XKRX: variants seen among roughly 807,000 people sequenced by gnomAD.
XKRX encodes XK-related protein 2.
Under a neutral mutation model 22.4 loss-of-function variants are expected in XKRX, and 11 were observed. The observed-to-expected ratio is 0.49, with a 90% CI of 0.31 to 0.81. The LOEUF (loss-of-function observed/expected upper bound fraction) is 0.81. Ranked by LOEUF, XKRX falls within the 40% of genes least tolerant of loss-of-function variation. XKRX has a pLI of 0.05. For missense variants in XKRX, 320 were observed against 336.5 expected (o/e 0.95, Z 0.38); for synonymous variants, 114 against 132.2 (o/e 0.86, Z 0.94).
chrX:100,896,964 A>G, the XKRX span, among the ~76,000 whole-genome samples: 4 of 112,445 alleles, frequency 3.6e-5, no homozygotes, highest in Non-Finnish European at 5.6e-5. Context: ...ATACAAATAG[A>G]ATACCTTCAA....
At chrX:100,888,511 G>T in the XKRX span, 1 of 759,725 alleles carries the variant, frequency 1.3e-6, no homozygotes, top group Non-Finnish European at 2.0e-6. Context: ...TCAGGCTCTC[G>T]TCGGTTGTTT....
At position 100,914,810 on chromosome X, in the gene XKRX, G is replaced by A. The variant is rs376332351; in HGVS notation, c.878C>T (p.Ala293Val). ...TTTCTCAATGTTATTGGGCATCTGG[G>A]CACCACTTCTCCAGAACTTAATCCA... ...EPWIKFWRSG[A>V]QMPNNIEKNF... The change falls in exon 3 of 3, where the codon GCC (alanine) becomes GTC (valine). Residue 293 changes from alanine to valine, a missense_variant. Transcript: ENST00000372956. 8.3e-7 allele frequency: 1 copy of A among 1,211,709 alleles called. No individual in the cohort carries two copies.
chrX:100,949,224 G>C, the XKRX span, among the ~76,000 whole-genome samples: 2 of 111,473 alleles, frequency 1.8e-5, no homozygotes, highest in African/African-American at 6.5e-5. Flanking sequence ...CAACAAGATG[G>C]GGCAAGGTGC....
the XKRX span, among the ~76,000 whole-genome samples, chrX:100,888,985 T>C: frequency 9.0e-6 from 1 of 110,852 alleles, no homozygotes; most frequent in Non-Finnish European, 1.9e-5. Flanking sequence ...ATGCCTGTGA[T>C]CCTAGCACTA....
chrX:100,904,112 T>A, the XKRX span, among the ~76,000 whole-genome samples: 1 of 111,969 alleles, frequency 8.9e-6, no homozygotes, highest in Non-Finnish European at 1.9e-5. Context: ...CAAGACTGTG[T>A]GGTATTGGTG....
intron 1 of XKRX, among the ~76,000 whole-genome samples, chrX:100,926,421 A>T (rs1021118789): frequency 2.9e-4 from 32 of 112,189 alleles, no homozygotes; most frequent in South Asian, 7.4e-4. Context: ...TTGATAAAAA[A>T]TTTTTTTGGC....
intron 2 of XKRX, among the ~76,000 whole-genome samples, chrX:100,915,388 T>TAA (rs911187266): frequency 2.9e-5 from 3 of 103,933 alleles, no homozygotes; most frequent in Admixed American, 1.0e-4. Context: ...TGGCTATTAT[T>TAA]AAAAAAAAAA....
chrX:100,891,791 G>GAAAGAAAGAA, the XKRX span, among the ~76,000 whole-genome samples: 1 of 106,430 alleles, frequency 9.4e-6, no homozygotes. Context: ...AAGAAAGAAA[G>GAAAGAAAGAA]AAAGAAAGTA....
chrX:100,922,445 T>A (rs890055364), intron 2 of XKRX, among the ~76,000 whole-genome samples: 1 of 111,495 alleles, frequency 9.0e-6, no homozygotes, highest in Non-Finnish European at 1.9e-5. Context: ...CCAGAGAAGG[T>A]TTATCTGTGA....
chrX:100,910,186 C>T (rs1404772126), downstream of XKRX, among the ~76,000 whole-genome samples: 4 of 111,368 alleles, frequency 3.6e-5, no homozygotes, highest in Non-Finnish European at 7.5e-5. Context: ...CCCCAAACTT[C>T]ATAGTTATGT....
chrX:100,888,333 T>C, the XKRX span: 1 of 702,809 alleles, frequency 1.4e-6, no homozygotes, highest in Admixed American at 2.2e-5. Flanking sequence ...ACAGTTCTCC[T>C]TGGTTCCACA....
chrX:100,917,634 G>GAAGAAAGAAAGA lies in XKRX; in HGVS notation c.605-2563_605-2552dup, dbSNP rs745405207. ...AAAGAGAGAAAGAAAGAGAAAGAAAGAAGAAAGAAAGAAAGAAAGAAAGAA... is the reference window on the plus strand; with the variant it reads ...AAAGAGAGAAAGAAAGAGAAAGAAAGAAGAAAGAAAGAAAGAAAGAAAGAAAGAAAGAAAGAA... On this transcript the variant is annotated intron_variant, in intron 2 of 2. Transcript: ENST00000372956. Among the ~76,000 whole-genome samples the GAAGAAAGAAAGA allele has an allele frequency of 2.5e-3, 122 of 49,025 alleles. 3 individuals carry two copies. Among genetic ancestry groups the GAAGAAAGAAAGA allele is most frequent in the African/African-American group, 0.01 (91 of 8,998 alleles). 42.6% of individuals were successfully genotyped at this position (49,025 alleles called of 115,157 possible). A position where few individuals can be genotyped will look rare whatever the true frequency, so the allele number is the denominator to read the frequency against.
the XKRX span, among the ~76,000 whole-genome samples, chrX:100,944,724 G>A: frequency 8.9e-6 from 1 of 112,047 alleles, no homozygotes; most frequent in Non-Finnish European, 1.9e-5. Flanking sequence ...ATGAATTTGG[G>A]AATTTCTAAG....
At position 100,914,987 on chromosome X, in the gene XKRX, C is replaced by T. The variant is rs184180106; in HGVS notation, c.701G>A (p.Arg234His). The change falls in exon 3 of 3, where the codon CGC (arginine) becomes CAC (histidine). Residue 234 changes from arginine (R) to histidine (H), a missense_variant. Physicochemically the swap from Arg to His is conservative, Grantham distance 29. Coordinates refer to ENST00000372956, the MANE Select transcript of XKRX (RefSeq NM_212559.3). ...IQIKYDDYKIRLGPLEVLCIT... is the reference protein window; with the variant it reads ...IQIKYDDYKIHLGPLEVLCIT... Reference sequence around the variant, plus strand: ...GCAGAGGACTTCTAGTGGCCCAAGGCGAATCTTGTAGTCATCGTACTTGAT... The same window carrying T: ...GCAGAGGACTTCTAGTGGCCCAAGGTGAATCTTGTAGTCATCGTACTTGAT... 9.1e-6 allele frequency: 11 copies of T among 1,209,859 alleles called. No homozygotes were observed. The highest frequency in any genetic ancestry group is 4.6e-4 in the Middle Eastern group (2 of 4,350).
the XKRX span, among the ~76,000 whole-genome samples, chrX:100,937,970 A>G: frequency 8.9e-6 from 1 of 111,736 alleles, no homozygotes; most frequent in African/African-American, 3.3e-5. Flanking sequence ...AGCAATGGGA[A>G]AGATCATGAA....
chrX:100,939,168 C>A, the XKRX span, among the ~76,000 whole-genome samples: 5 of 111,425 alleles, frequency 4.5e-5, no homozygotes, highest in Non-Finnish European at 7.5e-5. Flanking sequence ...TATAGCAGAT[C>A]TCTGAAAGGA....
chrX:100,946,173 A>C, the XKRX span, among the ~76,000 whole-genome samples: 1 of 107,934 alleles, frequency 9.3e-6, no homozygotes, highest in South Asian at 4.2e-4. Flanking sequence ...CAACAGTGTG[A>C]GACTCCGTCT....
the XKRX span, chrX:100,957,138 G>A: frequency 3.5e-6 from 4 of 1,138,585 alleles, no homozygotes; most frequent in Non-Finnish European, 4.8e-6. Context: ...CAACGAGGAA[G>A]TGCCATCACC....
chrX:100,953,903 T>TA, the XKRX span, among the ~76,000 whole-genome samples: 325 of 33,366 alleles, frequency 9.7e-3, 5 homozygotes, highest in Middle Eastern at 0.029. Flanking sequence ...AGTGAGACTC[T>TA]AAAAAAAAAA....
Sources: gnomAD v4.1 joint callset for allele counts (sites outside exome capture counted in the v4.1 genomes callset) on GRCh38, gnomAD v4.1.1 for gene constraint, MANE v1.5 for transcripts, NCBI Gene and HGNC (gene_info 2026-07-23, HGNC 2026-07-21) for gene names.